Variants in RAB8B observed in about 807,000 individuals in gnomAD.
RAB8B encodes the protein RAB8B, member RAS oncogene family, also known as ras-related protein Rab-8B.
In RAB8B, 11 loss-of-function variants were observed where a neutral mutation model predicts 32.0. The ratio of observed to expected loss-of-function variants is 0.34; its 90% CI spans 0.22 to 0.57. The LOEUF (loss-of-function observed/expected upper bound fraction) is 0.57, where lower values mean the gene tolerates loss of function less well. Ranked by LOEUF, RAB8B falls within the 20% of genes least tolerant of loss-of-function variation. RAB8B has a pLI of 0.86. For missense variants in RAB8B, 190 were observed against 258.5 expected, an observed-to-expected ratio of 0.73 and a Z score of 1.82; for synonymous variants, 103 against 89.6, an observed-to-expected ratio of 1.15 and a Z score of -0.85.
At chr15:63,194,597 C>T (rs1437384705) in intron 1 of RAB8B, among the ~76,000 whole-genome samples, 4 of 152,142 alleles carry the variant, frequency 2.6e-5, no homozygotes, top group South Asian at 4.1e-4. Flanking sequence ...TTCTTCCATA[C>T]GTAAAGTAAC....
intron 1 of RAB8B, among the ~76,000 whole-genome samples, chr15:63,191,565 G>A (rs1435001020): frequency 2.0e-5 from 3 of 152,318 alleles, no homozygotes; most frequent in East Asian, 1.9e-4. Flanking sequence ...AGCAACTAAA[G>A]GGTGTTAATT....
chr15:63,237,560 G>C (rs561537361), intron 1 of RAB8B, among the ~76,000 whole-genome samples: 3 of 152,238 alleles, frequency 2.0e-5, no homozygotes, highest in Middle Eastern at 3.4e-3. Context: ...TAGGTCTTCT[G>C]CTCATTTTAA....
chr15:63,252,120 T>C, intron 3 of RAB8B, among the ~76,000 whole-genome samples: 1 of 151,878 alleles, frequency 6.6e-6, no homozygotes, highest in East Asian at 1.9e-4. Flanking sequence ...CTTGTAGATA[T>C]ATACTAGATA....
intron 1 of RAB8B, among the ~76,000 whole-genome samples, chr15:63,226,416 T>C (rs1490133040): frequency 6.6e-6 from 1 of 152,224 alleles, no homozygotes; most frequent in Non-Finnish European, 1.5e-5. Flanking sequence ...GACTTCAGTA[T>C]CATAATCTCC....
intron 1 of RAB8B, among the ~76,000 whole-genome samples, chr15:63,200,102 G>A (rs1164786567): frequency 6.6e-6 from 1 of 152,148 alleles, no homozygotes; most frequent in Non-Finnish European, 1.5e-5. Context: ...TGCAGGCCTC[G>A]ATGGTCTTCA....
In RAB8B at chr15:63,189,681, A is replaced by G. The variant is rs566559462; in HGVS notation, c.57A>G (p.Val19=). ...TCCTGCTGATCGGCGACTCGGGGGT[A>G]GGCAAGACCTGCCTCCTGTTCCGCT... is the stretch of plus-strand genomic sequence containing the variant. ...FKLLLIGDSG[V]GKTCLLFRFS... The change falls in exon 1 of 8, where the codon GTA becomes GTG. Residue 19 remains valine (V), a synonymous_variant. Transcript: ENST00000321437. 3.4e-5 allele frequency: 55 copies of G among 1,613,226 alleles called. No individual in the cohort carries two copies. The highest frequency in any genetic ancestry group is 2.6e-4 in the South Asian group (24 of 91,050).
In RAB8B at chr15:63,256,533, T is replaced by A; in HGVS notation, c.353T>A (p.Ile118Asn). Residue 118 changes from isoleucine to asparagine, a missense_variant, in exon 5 of 8, where the codon ATC becomes AAC. Physicochemically the swap from Ile to Asn is moderately radical, Grantham distance 149. Around this residue, in one of 2 missense-constraint regions of RAB8B, gnomAD observed 110 missense variants for 115.9 expected, o/e 0.95. Coordinates refer to ENST00000321437, the MANE Select transcript of RAB8B (RefSeq NM_016530.3). ...GCCTCTTCCGATGTCGAAAGAATGA[T>A]CCTGGGTAACAAATGTGATATGAAT... ...EHASSDVERM[I>N]LGNKCDMNDK... is the part of the protein sequence containing the mutation. The A allele has an allele frequency of 6.2e-7, 1 of 1,604,306 alleles. No individual in the cohort carries two copies. Among genetic ancestry groups the A allele is most frequent in the Non-Finnish European group, 8.5e-7 (1 of 1,177,030 alleles).
intron 1 of RAB8B, among the ~76,000 whole-genome samples, chr15:63,198,301 CT>C (rs1251907036): frequency 5.3e-5 from 8 of 152,090 alleles, no homozygotes; most frequent in African/African-American, 1.9e-4. Flanking sequence ...TAACTAGGCA[CT>C]TTGGTATTTA....
intron 1 of RAB8B, among the ~76,000 whole-genome samples, chr15:63,230,340 C>T (rs1460986024): frequency 1.3e-5 from 2 of 152,154 alleles, no homozygotes; most frequent in Non-Finnish European, 2.9e-5. Context: ...TTGCTCTTGT[C>T]GCCCAGGCTG....
In RAB8B at chr15:63,229,802, A is replaced by AAG. The variant is rs1446212526; in HGVS notation, c.125-14953_125-14952insGA. Among the ~76,000 whole-genome samples the AAG allele has an allele frequency of 2.0e-5, 3 of 147,648 alleles. No individual in the cohort carries two copies. In the East Asian group the frequency reaches 6.3e-4, roughly 31 times the overall value. On this transcript the variant is annotated intron_variant, in intron 1 of 7. Coordinates refer to ENST00000321437, the MANE Select transcript of RAB8B (RefSeq NM_016530.3). ...TTTCAAAAAAAAAAAAAAAAAAAAA[A>AAG]AAAAAAAAGAAGCCAAACCAAGGAA...
At chr15:63,200,004 C>A (rs2037634448) in intron 1 of RAB8B, among the ~76,000 whole-genome samples, 1 of 152,156 alleles carries the variant, frequency 6.6e-6, no homozygotes, top group Non-Finnish European at 1.5e-5. Context: ...AGGGCTGTGA[C>A]AAACAATTGG....
intron 1 of RAB8B, among the ~76,000 whole-genome samples, chr15:63,221,818 T>G (rs192527866): frequency 5.3e-4 from 81 of 152,342 alleles, no homozygotes; most frequent in Admixed American, 3.1e-3. Context: ...ATGATTTCAC[T>G]TTTGATTCTC....
Position 63,244,750 on chromosome 15 carries a change from T to C in RAB8B, c.125-6T>C, listed in dbSNP as rs1185914831. ...CTTAACATATCTTTCTTTGTTTTTCTGGCAGGAATTGATTTTAAAATTAGA... is the reference window on the plus strand; with the variant it reads ...CTTAACATATCTTTCTTTGTTTTTCCGGCAGGAATTGATTTTAAAATTAGA... On this transcript the variant is annotated splice_polypyrimidine_tract_variant and splice_region_variant and intron_variant, in intron 1 of 7. Coordinates refer to ENST00000321437, the MANE Select transcript of RAB8B (RefSeq NM_016530.3). 8 of 1,556,706 alleles carry C rather than the reference T, an allele frequency of 5.1e-6. No individual in the cohort carries two copies. In the South Asian group the frequency reaches 9.1e-5, roughly 18 times the overall value.
chr15:63,232,462 A>G (rs1348396054), intron 1 of RAB8B, among the ~76,000 whole-genome samples: 5 of 152,222 alleles, frequency 3.3e-5, no homozygotes, highest in Admixed American at 6.5e-5. Flanking sequence ...TTTTGTTGGT[A>G]TGATTAGATC....
At chr15:63,232,227 T>C (rs974236487) in intron 1 of RAB8B, among the ~76,000 whole-genome samples, 1 of 152,230 alleles carries the variant, frequency 6.6e-6, no homozygotes, top group African/African-American at 2.4e-5. Context: ...TCATTTGATA[T>C]ATAGTTATTT....
At chr15:63,208,929 G>C (rs988686311) in intron 1 of RAB8B, among the ~76,000 whole-genome samples, 8 of 138,650 alleles carry the variant, frequency 5.8e-5, no homozygotes, top group African/African-American at 8.3e-5. Flanking sequence ...GTCTCCCTCT[G>C]TTGCCCAGGC....
chr15:63,206,123 A>G (rs1402469135), intron 1 of RAB8B, among the ~76,000 whole-genome samples: 1 of 152,226 alleles, frequency 6.6e-6, no homozygotes, highest in Non-Finnish European at 1.5e-5. Context: ...TTTTATTAGC[A>G]CATACATACG....
intron 3 of RAB8B, among the ~76,000 whole-genome samples, chr15:63,250,095 C>G (rs938872216): frequency 1.3e-5 from 2 of 152,174 alleles, no homozygotes; most frequent in South Asian, 4.1e-4. Context: ...GAGATTGCGC[C>G]ACTGCAGTCC....
intron 1 of RAB8B, among the ~76,000 whole-genome samples, chr15:63,196,183 G>T (rs1281138811): frequency 6.6e-6 from 1 of 152,150 alleles, no homozygotes; most frequent in Non-Finnish European, 1.5e-5. Context: ...ACAATGTGAG[G>T]GCCATTACAA....
Sources: allele counts gnomAD v4.1 joint callset (sites outside exome capture counted in the v4.1 genomes callset), GRCh38; gene constraint gnomAD v4.1.1; regional missense constraint gnomAD v4.1.1; transcripts MANE v1.5; gene names NCBI Gene and HGNC (gene_info 2026-07-23, HGNC 2026-07-21).